Variants in LINGO2 observed in about 807,000 individuals in gnomAD.
LINGO2 encodes leucine rich repeat and Ig domain containing 2, also known as leucine-rich repeat and immunoglobulin-like domain-containing nogo receptor-interacting protein 2.
Under a neutral mutation model 30.6 loss-of-function variants are expected in LINGO2, and 14 were observed. The ratio of observed to expected loss-of-function variants is 0.46; its 90% CI spans 0.30 to 0.72. LINGO2 has a LOEUF of 0.72. Among genes scored for constraint, LINGO2 ranks in the 30% least tolerant of loss-of-function variants. The pLI is 0.07. For synonymous variants in LINGO2, 317 were observed against 288.5 expected, an observed-to-expected ratio of 1.10 and a Z score of -1.00; for missense variants, 729 against 751.7, an observed-to-expected ratio of 0.97 and a Z score of 0.35.
chr9:28,221,227 G>A (rs984622576), intron 4 of LINGO2, among the ~76,000 whole-genome samples: 5 of 144,930 alleles, frequency 3.4e-5, no homozygotes, highest in Non-Finnish European at 7.5e-5. Flanking sequence ...GTGAACCCAG[G>A]AGGCGGAGCT....
At chr9:28,991,083 T>C in the LINGO2 span, among the ~76,000 whole-genome samples, 2 of 152,170 alleles carry the variant, frequency 1.3e-5, no homozygotes, top group East Asian at 3.9e-4. Context: ...CAGGAGGAAA[T>C]TCAAACCAAA....
chr9:29,112,794 G>T, the LINGO2 span, among the ~76,000 whole-genome samples: 1 of 152,098 alleles, frequency 6.6e-6, no homozygotes, highest in Non-Finnish European at 1.5e-5. Flanking sequence ...AAGGCTGAAA[G>T]GAGTCTTTAA....
At chr9:28,082,388 C>A (rs544558558) in intron 4 of LINGO2, among the ~76,000 whole-genome samples, 3 of 152,060 alleles carry the variant, frequency 2.0e-5, no homozygotes, top group Non-Finnish European at 4.4e-5. Flanking sequence ...TTAAAAAAAT[C>A]ATGCTGTTGG....
chr9:28,488,477 G>C (rs1259849839), intron 1 of LINGO2, among the ~76,000 whole-genome samples: 1 of 152,122 alleles, frequency 6.6e-6, no homozygotes, highest in African/African-American at 2.4e-5. Flanking sequence ...ATATAGGATA[G>C]TGGTTAAAAC....
chr9:28,733,419 A>T, the LINGO2 span, among the ~76,000 whole-genome samples: 1 of 152,154 alleles, frequency 6.6e-6, no homozygotes, highest in Admixed American at 6.5e-5. Flanking sequence ...CTACATCAAA[A>T]AATATTGTGG....
At chr9:28,590,202 C>A (rs1824803877) in intron 1 of LINGO2, among the ~76,000 whole-genome samples, 1 of 152,066 alleles carries the variant, frequency 6.6e-6, no homozygotes, top group Non-Finnish European at 1.5e-5. Flanking sequence ...CATAAAAACC[C>A]TAGAAGAAAA....
At chr9:28,945,438 G>A in the LINGO2 span, among the ~76,000 whole-genome samples, 1 of 152,074 alleles carries the variant, frequency 6.6e-6, no homozygotes, top group Non-Finnish European at 1.5e-5. Context: ...CCTAATAAGT[G>A]TAGAGAACTA....
chr9:28,218,194 C>T (rs1017996338), intron 4 of LINGO2, among the ~76,000 whole-genome samples: 3 of 149,888 alleles, frequency 2.0e-5, no homozygotes, highest in African/African-American at 7.3e-5. Context: ...TCAAATGTAT[C>T]AAATAATATC....
intron 4 of LINGO2, among the ~76,000 whole-genome samples, chr9:28,189,068 T>C (rs1332114944): frequency 6.6e-6 from 1 of 152,002 alleles, no homozygotes; most frequent in African/African-American, 2.4e-5. Flanking sequence ...AAAGTTCACA[T>C]TGTGAGGCCA....
the LINGO2 span, among the ~76,000 whole-genome samples, chr9:29,180,553 C>T: frequency 1.8e-3 from 274 of 152,266 alleles, no homozygotes; most frequent in Non-Finnish European, 3.3e-3. Flanking sequence ...AATCACCCTA[C>T]AGCATCAAAT....
chr9:28,071,021 C>T (rs772606287), intron 4 of LINGO2, among the ~76,000 whole-genome samples: 1 of 152,152 alleles, frequency 6.6e-6, no homozygotes, highest in Non-Finnish European at 1.5e-5. Flanking sequence ...GGCCCCAGTA[C>T]TACTGTTTAT....
intron 4 of LINGO2, among the ~76,000 whole-genome samples, chr9:28,215,432 G>A (rs1341005330): frequency 6.6e-6 from 1 of 151,778 alleles, no homozygotes; most frequent in Non-Finnish European, 1.5e-5. Flanking sequence ...TGCGCATATA[G>A]CAGTGATAAA....
At chr9:28,022,734 C>A (rs938763956) in intron 4 of LINGO2, among the ~76,000 whole-genome samples, 4 of 151,704 alleles carry the variant, frequency 2.6e-5, no homozygotes, top group Non-Finnish European at 5.9e-5. Context: ...GGTTTAGTAT[C>A]TGTCATTAAT....
At chr9:28,685,137 T>A in the LINGO2 span, among the ~76,000 whole-genome samples, 2 of 152,180 alleles carry the variant, frequency 1.3e-5, no homozygotes, top group Non-Finnish European at 2.9e-5. Context: ...GCCCTGTCCA[T>A]GTTGCTGCAA....
chr9:28,507,938 G>A (rs560318992), intron 1 of LINGO2, among the ~76,000 whole-genome samples: 7 of 152,024 alleles, frequency 4.6e-5, no homozygotes, highest in African/African-American at 9.6e-5. Context: ...ACAGTGAAGG[G>A]TTCATTGTAA....
At chr9:29,180,724 G>GA in the LINGO2 span, among the ~76,000 whole-genome samples, 5 of 152,112 alleles carry the variant, frequency 3.3e-5, no homozygotes, top group Non-Finnish European at 7.4e-5. Context: ...GAAGGTATCT[G>GA]AAAACATCTC....
chr9:28,290,709 C>A (rs768633618), intron 4 of LINGO2, among the ~76,000 whole-genome samples: 3 of 152,078 alleles, frequency 2.0e-5, no homozygotes, highest in Admixed American at 6.6e-5. Flanking sequence ...CCTGGCATCT[C>A]ATTGTCTGGA....
intron 5 of LINGO2, among the ~76,000 whole-genome samples, chr9:27,980,914 C>T (rs1004251638): frequency 2.0e-5 from 3 of 151,774 alleles, no homozygotes; most frequent in Admixed American, 1.3e-4. Context: ...GAACTAAAGG[C>T]AATTTGAAGA....
chr9:28,547,903 C>T (rs1332571518), intron 1 of LINGO2, among the ~76,000 whole-genome samples: 2 of 152,022 alleles, frequency 1.3e-5, no homozygotes, highest in East Asian at 1.9e-4. Context: ...AGTTGTTATA[C>T]AAATTTCAGT....
Sources: allele counts gnomAD v4.1 joint callset (sites outside exome capture counted in the v4.1 genomes callset), GRCh38; gene constraint gnomAD v4.1.1; transcripts MANE v1.5; gene names NCBI Gene and HGNC (gene_info 2026-07-23, HGNC 2026-07-21).